STEAP4: variants seen among roughly 807,000 people sequenced by gnomAD.
STEAP4 encodes the protein metalloreductase STEAP4.
In STEAP4, 36 loss-of-function variants were observed where a neutral mutation model predicts 43.6. The ratio of observed to expected loss-of-function variants is 0.83; its 90% CI spans 0.63 to 1.09. STEAP4 has a LOEUF of 1.09. Among genes scored for constraint, STEAP4 ranks in the 50% least tolerant of loss-of-function variants. The pLI is 0.00. For missense variants in STEAP4, 495 were observed against 546.5 expected, an observed-to-expected ratio of 0.91 and a Z score of 0.94; for synonymous variants, 191 against 196.7, an observed-to-expected ratio of 0.97 and a Z score of 0.24.
In STEAP4 at chr7:88,273,088, A is replaced by G. The variant is rs901893538; in HGVS notation, c.*6310T>C. ...TCAGATCAGTGTAATTAGCATATCC[A>G]TCATTGCAAACATTTATCATTTCTT... On this transcript the variant is annotated 3_prime_UTR_variant, in exon 5 of 5. Transcript: ENST00000380079. 1 of 152,246 alleles carries G rather than the reference A, an allele frequency of 6.6e-6. No homozygotes were observed. The highest frequency in any genetic ancestry group is 1.5e-5 in the Non-Finnish European group (1 of 68,046). The allele number at this position is 152,246 out of a possible 1,614,324, so 9.4% of individuals were successfully genotyped here.
In STEAP4 at chr7:88,282,666, C is replaced by A. The variant is rs1852640954; in HGVS notation, c.959G>T (p.Arg320Ile). The A allele has an allele frequency of 6.2e-7, 1 of 1,613,206 alleles. No individual in the cohort carries two copies. The highest frequency in any genetic ancestry group is 1.3e-5 in the African/African-American group (1 of 75,010). Residue 320 changes from arginine (R) to isoleucine (I), a missense_variant, in exon 3 of 5, where the codon AGA (arginine) becomes ATA (isoleucine). By Grantham distance (97) the Arg-to-Ile change is moderately conservative (BLOSUM62 -3). Transcript: ENST00000380079. ...VIPIRYYVRW[R>I]LGNLTVTQAI... is the part of the protein sequence containing the mutation. ...CTGGGTAACGGTTAAGTTTCCCAAT[C>A]TCCATCGTACATAATATCGAATAGG...
chr7:88,290,085 T>C (rs927779009), intron 1 of STEAP4, among the ~76,000 whole-genome samples: 15 of 152,212 alleles, frequency 9.9e-5, no homozygotes, highest in Non-Finnish European at 1.0e-4. Flanking sequence ...AAAATGTAGA[T>C]TTGATGCAGT....
chr7:88,302,225 A>T (rs759553372), intron 1 of STEAP4, among the ~76,000 whole-genome samples: 21 of 152,216 alleles, frequency 1.4e-4, no homozygotes, highest in Non-Finnish European at 1.9e-4. Context: ...GTTATTAGCA[A>T]TGCCTTGCTT....
At position 88,282,967 on chromosome 7, in the gene STEAP4, T is replaced by C. The variant is rs1452304295; in HGVS notation, c.658A>G (p.Ile220Val). ...LCVFLFFYCV[I>V]RDVIYPYVYE... ...ACATAAGGGTAGATTACGTCTCTTA[T>C]AACACAATAGAAAAACAAGAAGACA... Residue 220 changes from isoleucine (I) to valine (V), a missense_variant, in exon 3 of 5, where the codon ATA becomes GTA. Physicochemically the swap from Ile to Val is conservative, Grantham distance 29. Coordinates refer to ENST00000380079, the MANE Select transcript of STEAP4 (RefSeq NM_024636.4). The C allele has an allele frequency of 2.5e-6, 4 of 1,613,588 alleles. No homozygotes were observed. Among genetic ancestry groups the C allele is most frequent in the East Asian group, 2.2e-5 (1 of 44,872 alleles).
At chr7:88,282,057 T>G (rs1178742387) in intron 3 of STEAP4, 1 of 152,180 alleles carries the variant, frequency 6.6e-6, no homozygotes, top group Non-Finnish European at 1.5e-5. Context: ...TCTTGAGCCA[T>G]GAAATCTGTC....
chr7:88,282,993 C>A lies in STEAP4; in HGVS notation c.632G>T (p.Cys211Phe). ...RFPFYLSAVL[C>F]VFLFFYCVIR... ...AACACAATAGAAAAACAAGAAGACA[C>A]ACAGCACAGCAGACAAATAGAAGGG... The change falls in exon 3 of 5, where the codon TGT (cysteine) becomes TTT (phenylalanine). Residue 211 changes from cysteine (C) to phenylalanine (F), a missense_variant. Cys to Phe is a radical substitution (Grantham distance 205). Transcript: ENST00000380079. 6.2e-7 allele frequency: 1 copy of A among 1,613,460 alleles called. No homozygotes were observed. Among genetic ancestry groups the A allele is most frequent in the Non-Finnish European group, 8.5e-7 (1 of 1,179,732 alleles).
chr7:88,303,299 A>C (rs1428349771), intron 1 of STEAP4, among the ~76,000 whole-genome samples: 1 of 151,460 alleles, frequency 6.6e-6, no homozygotes, highest in Non-Finnish European at 1.5e-5. Flanking sequence ...AGTTCCAGAC[A>C]AGCCTGGCCA....
intron 1 of STEAP4, among the ~76,000 whole-genome samples, chr7:88,302,462 C>T (rs1475658184): frequency 6.6e-6 from 1 of 152,196 alleles, no homozygotes; most frequent in Non-Finnish European, 1.5e-5. Context: ...TTTCCAAAGT[C>T]TGTGCAAAAG....
intron 1 of STEAP4, among the ~76,000 whole-genome samples, chr7:88,286,589 A>G (rs1226857826): frequency 6.6e-6 from 1 of 152,168 alleles, no homozygotes; most frequent in African/African-American, 2.4e-5. Context: ...GCGCACGCCT[A>G]TAGTCCCAGC....
In STEAP4 at chr7:88,279,443, G is replaced by C. The variant is rs745515855; in HGVS notation, c.1335C>G (p.Thr445=). ...FVLIMPCVDN[T]LTRIRQGWER... ...CCCAGCCCTGGCGGATCCTTGTAAGGGTGTTGTCTACACATGGCATGATTA... is the reference window on the plus strand; with the variant it reads ...CCCAGCCCTGGCGGATCCTTGTAAGCGTGTTGTCTACACATGGCATGATTA... The change falls in exon 5 of 5, where the codon ACC becomes ACG. Residue 445 remains threonine (T), a synonymous_variant. Transcript: ENST00000380079. The C allele has an allele frequency of 2.5e-6, 4 of 1,614,046 alleles. No homozygotes were observed. Among genetic ancestry groups the C allele is most frequent in the Non-Finnish European group, 3.4e-6 (4 of 1,179,990 alleles).
intron 1 of STEAP4, chr7:88,291,003 A>G (rs1852825207): frequency 6.6e-6 from 1 of 152,172 alleles, no homozygotes; most frequent in Non-Finnish European, 1.5e-5. Context: ...ATCTCAAAAC[A>G]GTTCTTGAGA....
chr7:88,293,491 C>T (rs1427059496), intron 1 of STEAP4, among the ~76,000 whole-genome samples: 3 of 151,740 alleles, frequency 2.0e-5, no homozygotes, highest in Non-Finnish European at 2.9e-5. Context: ...AATTTTTTTT[C>T]TTTCATGGAT....
At position 88,282,828 on chromosome 7, in the gene STEAP4, G is replaced by C. The variant is rs1372086828; in HGVS notation, c.797C>G (p.Ala266Gly). The C allele has an allele frequency of 1.2e-6, 2 of 1,614,052 alleles. No homozygotes were observed. The highest frequency in any genetic ancestry group is 2.7e-5 in the African/African-American group (2 of 74,926). Residue 266 changes from alanine to glycine, a missense_variant, in exon 3 of 5, where the codon GCC becomes GGC. By Grantham distance (60) the Ala-to-Gly change is moderately conservative. Transcript: ENST00000380079. ...ALVYLPGVIA[A>G]ILQLYRGTKY... ...TGTGCCTCGGTACAGTTGTAGAATG[G>C]CAGCAATAACACCAGGGAGGTAAAC...
At chr7:88,297,868 C>T (rs1393413746) in intron 1 of STEAP4, among the ~76,000 whole-genome samples, 7 of 152,054 alleles carry the variant, frequency 4.6e-5, no homozygotes, top group East Asian at 1.9e-4. Context: ...GTTTATACAC[C>T]TAAACTGCCC....
At position 88,274,106 on chromosome 7, in the gene STEAP4, A is replaced by ACTGCCTAGATCCCAGCT. The variant is rs1456935776; in HGVS notation, c.*5275_*5291dup. The ACTGCCTAGATCCCAGCT allele has an allele frequency of 6.6e-6, 1 of 152,214 alleles. No individual in the cohort carries two copies. Among genetic ancestry groups the ACTGCCTAGATCCCAGCT allele is most frequent in the African/African-American group, 2.4e-5 (1 of 41,456 alleles). 9.4% of individuals were successfully genotyped at this position (152,214 alleles called of 1,614,324 possible). A position where few individuals can be genotyped will look rare whatever the true frequency, so the allele number is the denominator to read the frequency against. The stretch of plus-strand genomic sequence containing the variant: ...TAAAAGGAGATGGGCCTGGAGTCAG[A>ACTGCCTAGATCCCAGCT]CTGCCTAGATCCCAGCTCTGCCTCT... On this transcript the variant is annotated 3_prime_UTR_variant, in exon 5 of 5. Transcript: ENST00000380079.
chr7:88,284,558 A>G (rs1442173476), intron 1 of STEAP4, among the ~76,000 whole-genome samples: 1 of 152,160 alleles, frequency 6.6e-6, no homozygotes, highest in African/African-American at 2.4e-5. Context: ...CTGACAAAAA[A>G]TATGCTCCAA....
chr7:88,292,411 C>G (rs1247099010), intron 1 of STEAP4: 1 of 151,990 alleles, frequency 6.6e-6, no homozygotes, highest in Non-Finnish European at 1.5e-5. Context: ...AATCTATTTT[C>G]AGTTCTTATA....
intron 1 of STEAP4, chr7:88,292,537 C>T (rs907318309): frequency 6.6e-6 from 1 of 152,078 alleles, no homozygotes; most frequent in African/African-American, 2.4e-5. Context: ...ATCTTTCACC[C>T]AGTTTCCTCC....
chr7:88,302,797 T>G (rs1029999217), intron 1 of STEAP4, among the ~76,000 whole-genome samples: 14 of 151,742 alleles, frequency 9.2e-5, no homozygotes, highest in African/African-American at 3.4e-4. Flanking sequence ...CTACTAAAAA[T>G]GCAAAAATTA....
Sources: allele counts gnomAD v4.1 joint callset (sites outside exome capture counted in the v4.1 genomes callset), GRCh38; gene constraint gnomAD v4.1.1; transcripts MANE v1.5; gene names NCBI Gene and HGNC (gene_info 2026-07-23, HGNC 2026-07-21).